Variants in ST7L observed in about 807,000 individuals in gnomAD.
ST7L encodes suppressor of tumorigenicity 7 protein-like.
A neutral mutation model predicts 72.5 loss-of-function variants in ST7L; 57 were observed. That is an observed-to-expected ratio of 0.79 (90% CI 0.64 to 0.98). The LOEUF is 0.98. Ranked by LOEUF, ST7L falls within the 50% of genes least tolerant of loss-of-function variation. The pLI, the probability that ST7L is intolerant of heterozygous loss-of-function variation, is 0.00. For missense variants in ST7L, 576 were observed against 672.2 expected (o/e 0.86, Z 1.58); for synonymous variants, 221 against 240.9 (o/e 0.92, Z 0.77).
intron 3 of ST7L, among the ~76,000 whole-genome samples, chr1:112,609,329 C>T (rs1178844611): frequency 2.0e-5 from 3 of 151,466 alleles, no homozygotes; most frequent in South Asian, 2.1e-4. Context: ...GTCGGGAGTT[C>T]AAGACCAGCC....
chr1:112,601,764 A>T (rs1667426552), intron 3 of ST7L, among the ~76,000 whole-genome samples: 1 of 151,842 alleles, frequency 6.6e-6, no homozygotes, highest in Non-Finnish European at 1.5e-5. Context: ...GTGAGGGAGA[A>T]GTGTAAATGG....
chr1:112,612,499 T>G (rs1213725079), intron 2 of ST7L, among the ~76,000 whole-genome samples: 1 of 152,138 alleles, frequency 6.6e-6, no homozygotes, highest in Non-Finnish European at 1.5e-5. Flanking sequence ...TTTTTTTGCT[T>G]CAGTAAATAA....
intron 6 of ST7L, among the ~76,000 whole-genome samples, chr1:112,587,888 C>T (rs147606399): frequency 0.011 from 1,728 of 152,174 alleles, 14 homozygotes; most frequent in Non-Finnish European, 0.018. Flanking sequence ...GCACTGAATC[C>T]GTAGATCAAT....
At chr1:112,596,986 G>A (rs1366501506) in intron 5 of ST7L, among the ~76,000 whole-genome samples, 2 of 152,092 alleles carry the variant, frequency 1.3e-5, no homozygotes, top group African/African-American at 2.4e-5. Flanking sequence ...ATTATGCCAG[G>A]CAATGTGCTG....
intron 4 of ST7L, 42 bp from the exon 5 acceptor site, chr1:112,598,128 G>C: frequency 8.7e-5 from 120 of 1,379,036 alleles, no homozygotes; most frequent in Middle Eastern, 1.8e-4. Context: ...GAACATGAGA[G>C]AGCATCTATC....
chr1:112,610,810 A>G (rs751861087), intron 3 of ST7L, 31 bp downstream of exon 3: 2 of 1,608,156 alleles, frequency 1.2e-6, no homozygotes, highest in South Asian at 2.2e-5. Context: ...TTAAATACAC[A>G]GCTCTGAAAA....
At position 112,561,683 on chromosome 1, in the gene ST7L, T is replaced by A. The variant is rs148978007; in HGVS notation, c.1246-5665A>T. On this transcript the variant is annotated intron_variant, in intron 11 of 14. Transcript: ENST00000358039. The stretch of plus-strand genomic sequence containing the variant: ...TTAGTAGAGATGGGGTTTCACCATG[T>A]TGGTCAGGCTGATCTCAAACTACTG... Among the ~76,000 whole-genome samples the A allele has an allele frequency of 4.5e-3, 678 of 152,146 alleles. 14 individuals are homozygous for A. Among genetic ancestry groups the A allele is most frequent in the Admixed American group, 0.032 (486 of 15,284 alleles).
intron 7 of ST7L, 62 bp downstream of exon 7, chr1:112,583,910 G>T: frequency 6.5e-7 from 1 of 1,542,842 alleles, no homozygotes; most frequent in Non-Finnish European, 8.7e-7. Context: ...TGTTGTTTGT[G>T]TTAAGACACA....
At chr1:112,570,859 T>C in intron 11 of ST7L, 1 of 437,414 alleles carries the variant, frequency 2.3e-6, no homozygotes, top group Non-Finnish European at 4.6e-6. Context: ...AGTTTAAAAC[T>C]TCTCCAAAAG....
At chr1:112,562,501 C>T (rs1660336961) in intron 11 of ST7L, among the ~76,000 whole-genome samples, 1 of 152,010 alleles carries the variant, frequency 6.6e-6, no homozygotes, top group Non-Finnish European at 1.5e-5. Context: ...GAAGAGAAAG[C>T]CGTTATCTCT....
chr1:112,549,383 T>C lies in ST7L; in HGVS notation c.1489+1218A>G, dbSNP rs142987559. On this transcript the variant is annotated intron_variant, in intron 13 of 14. Transcript: ENST00000358039. ...ACTCCAGCCTGGGTGAGAGTGAGAA[T>C]TGGTCTCAAATAAATAAATAAGTAA... 3.9e-3 allele frequency among the ~76,000 whole-genome samples: 593 copies of C among 152,212 alleles called. 3 individuals carry two copies. The highest frequency in any genetic ancestry group is 7.3e-3 in the Non-Finnish European group (495 of 68,006).
chr1:112,549,055 G>A (rs989372000), intron 13 of ST7L, among the ~76,000 whole-genome samples: 1 of 151,820 alleles, frequency 6.6e-6, no homozygotes, highest in Non-Finnish European at 1.5e-5. Context: ...TTTTGATAGC[G>A]ATTGTATTGA....
chr1:112,590,528 G>A (rs754483238), intron 6 of ST7L, among the ~76,000 whole-genome samples: 2 of 152,132 alleles, frequency 1.3e-5, no homozygotes, highest in East Asian at 1.9e-4. Context: ...TAAGGATAGC[G>A]TATATACTTG....
At position 112,605,855 on chromosome 1, in the gene ST7L, C is replaced by T. The variant is rs547886864; in HGVS notation, c.451+4986G>A. On this transcript the variant is annotated intron_variant, in intron 3 of 14. Coordinates refer to ENST00000358039, the MANE Select transcript of ST7L (RefSeq NM_017744.5). ...CCAGAAACTGGAAAGGCAGCCTCAC[C>T]CTTTGAAACCAAGGAGGAAACAGCC... Among the ~76,000 whole-genome samples, 4 of 152,300 alleles carry T rather than the reference C, an allele frequency of 2.6e-5. No individual in the cohort carries two copies. The East Asian group carries it at 7.7e-4, about 29-fold the overall frequency.
intron 13 of ST7L, among the ~76,000 whole-genome samples, chr1:112,547,914 G>A (rs1194940036): frequency 6.6e-6 from 1 of 152,072 alleles, no homozygotes; most frequent in African/African-American, 2.4e-5. Context: ...GTTCAGAATA[G>A]GGTGAGAGGG....
Position 112,616,904 on chromosome 1 carries a change from A to G in ST7L, c.206-9T>C, listed in dbSNP as rs747028993. The G allele has an allele frequency of 6.3e-7, 1 of 1,589,868 alleles. No homozygotes were observed. Among genetic ancestry groups the G allele is most frequent in the South Asian group, 1.2e-5 (1 of 86,444 alleles). ...ATTTAAAAATACAGTCACTGTCAAA[A>G]GAACAAGAATCAAAGTTTTAAAAAA... On this transcript the variant is annotated splice_polypyrimidine_tract_variant and intron_variant, in intron 1 of 14. Transcript: ENST00000358039.
At chr1:112,570,929 C>T (rs536926812) in intron 11 of ST7L, among the ~76,000 whole-genome samples, 2 of 152,182 alleles carry the variant, frequency 1.3e-5, no homozygotes, top group Non-Finnish European at 2.9e-5. Flanking sequence ...CAGCACTTAG[C>T]GGGGCCGAGG....
chr1:112,578,560 G>A (rs547870977), intron 9 of ST7L, 143 bp from the exon 10 acceptor site: 3 of 701,472 alleles, frequency 4.3e-6, no homozygotes, highest in South Asian at 1.6e-5. Flanking sequence ...TGGATCATGA[G>A]GTCAGGAGTT....
chr1:112,616,262 GC>G (rs1266354167), intron 2 of ST7L, among the ~76,000 whole-genome samples: 1 of 151,996 alleles, frequency 6.6e-6, no homozygotes, highest in African/African-American at 2.4e-5. Flanking sequence ...CACACCCCAA[GC>G]CCTCCCTGAC....
Sources: gnomAD v4.1 joint callset for allele counts (sites outside exome capture counted in the v4.1 genomes callset) on GRCh38, gnomAD v4.1.1 for gene constraint, MANE v1.5 for transcripts, NCBI Gene and HGNC (gene_info 2026-07-23, HGNC 2026-07-21) for gene names.